RARB: variants seen among roughly 807,000 people sequenced by gnomAD.
The protein encoded by RARB is HBV-activated protein.
RARB carries 17 observed loss-of-function variants against 51.9 expected under a neutral mutation model. The observed-to-expected ratio is 0.33, with a 90% CI of 0.22 to 0.49. The LOEUF (loss-of-function observed/expected upper bound fraction) is 0.49. Ranked by LOEUF, RARB falls within the 20% of genes least tolerant of loss-of-function variation. The pLI is 0.99. For missense variants in RARB, 369 were observed against 550.8 expected (o/e 0.67, Z 3.30); for synonymous variants, 215 against 195.4 (o/e 1.10, Z -0.84).
At chr3:25,052,502 A>T (rs1698352199) in intron 2 of RARB, among the ~76,000 whole-genome samples, 1 of 152,212 alleles carries the variant, frequency 6.6e-6, no homozygotes, top group Non-Finnish European at 1.5e-5. Context: ...TCTTCATTTA[A>T]AATTTAAATG....
intron 5 of RARB, among the ~76,000 whole-genome samples, chr3:25,318,662 A>G (rs1394455954): frequency 1.3e-5 from 2 of 152,158 alleles, no homozygotes. Context: ...TTAAAGAAGG[A>G]AATCTTTAGG....
chr3:25,146,713 G>T (rs1338622190), intron 4 of RARB, among the ~76,000 whole-genome samples: 1 of 151,634 alleles, frequency 6.6e-6, no homozygotes, highest in African/African-American at 2.4e-5. Flanking sequence ...TAGAGACGGG[G>T]TTTCACCATG....
intron 5 of RARB, among the ~76,000 whole-genome samples, chr3:25,290,250 A>T (rs1703754158): frequency 6.6e-6 from 1 of 152,202 alleles, no homozygotes; most frequent in Non-Finnish European, 1.5e-5. Context: ...AATCTAGCTA[A>T]AATGAAATCA....
intron 5 of RARB, among the ~76,000 whole-genome samples, chr3:25,289,387 T>G (rs1703730399): frequency 6.6e-6 from 1 of 152,204 alleles, no homozygotes; most frequent in Non-Finnish European, 1.5e-5. Context: ...TTTTCCCTGT[T>G]ACCATCAGTC....
At chr3:25,262,537 T>G (rs1703026158) in intron 5 of RARB, among the ~76,000 whole-genome samples, 1 of 152,204 alleles carries the variant, frequency 6.6e-6, no homozygotes. Flanking sequence ...CTTAACCTTT[T>G]CCAGGCTCTA....
At chr3:25,023,720 A>G (rs575387773) in intron 2 of RARB, among the ~76,000 whole-genome samples, 3 of 152,322 alleles carry the variant, frequency 2.0e-5, no homozygotes, top group South Asian at 4.1e-4. Context: ...CTATGAAAGG[A>G]CAGAGTGGAA....
intron 3 of RARB, among the ~76,000 whole-genome samples, chr3:25,062,542 C>T (rs1326513192): frequency 6.6e-6 from 1 of 151,874 alleles, no homozygotes. Flanking sequence ...TGTATTATAA[C>T]TGAAAATCAA....
At chr3:25,005,802 T>C (rs116591047) in intron 2 of RARB, among the ~76,000 whole-genome samples, 1,545 of 152,256 alleles carry the variant, frequency 0.01, 28 homozygotes, top group African/African-American at 0.036. Context: ...AAAACTTTGA[T>C]ATGCAAGTCA....
chr3:25,162,428 A>T (rs1342589850), intron 4 of RARB, among the ~76,000 whole-genome samples: 1 of 152,186 alleles, frequency 6.6e-6, no homozygotes, highest in Non-Finnish European at 1.5e-5. Flanking sequence ...AATTATCAAG[A>T]TATAATTCAA....
rs762302156 is a variant in RARB, at chr3:25,567,980, G to A, written c.449-1778G>A. On this transcript the variant is annotated intron_variant, in intron 3 of 7. Coordinates refer to ENST00000330688, the MANE Select transcript of RARB (RefSeq NM_000965.5). ...CCTCATTGTGTCTCCTTTGCCCGCC[G>A]GCTTCTTTGCATTCTCTCTGCTTTG... Among the ~76,000 whole-genome samples the A allele has an allele frequency of 5.9e-5, 9 of 152,020 alleles. No homozygotes were observed. The South Asian group carries it at 6.2e-4, about 11-fold the overall frequency.
At chr3:25,562,974 G>T (rs188957580) in intron 3 of RARB, among the ~76,000 whole-genome samples, 201 of 152,304 alleles carry the variant, frequency 1.3e-3, no homozygotes, top group African/African-American at 4.7e-3. Flanking sequence ...ATATTTCAGA[G>T]ATTTTCTATA....
intron 3 of RARB, among the ~76,000 whole-genome samples, chr3:25,084,480 TTTAGA>T (rs1196949287): frequency 6.6e-6 from 1 of 152,168 alleles, no homozygotes; most frequent in African/African-American, 2.4e-5. Flanking sequence ...TAATCATCTG[TTTAGA>T]TTACACTGGA....
chr3:25,369,991 T>G (rs570777150), intron 5 of RARB, among the ~76,000 whole-genome samples: 1 of 152,148 alleles, frequency 6.6e-6, no homozygotes, highest in Non-Finnish European at 1.5e-5. Flanking sequence ...AGTGTTCATC[T>G]TCTAGTAGGA....
intron 2 of RARB, among the ~76,000 whole-genome samples, chr3:24,878,232 G>A (rs1027449573): frequency 6.9e-6 from 1 of 145,142 alleles, no homozygotes; most frequent in Non-Finnish European, 1.5e-5. Flanking sequence ...TTTGCTTGTA[G>A]TTTCCTTGTA....
At chr3:24,927,151 G>A (rs1695337573) in intron 2 of RARB, among the ~76,000 whole-genome samples, 2 of 151,922 alleles carry the variant, frequency 1.3e-5, no homozygotes, top group African/African-American at 2.4e-5. Flanking sequence ...TTTCCTTATA[G>A]TGTCAAATAT....
At chr3:24,917,994 G>A (rs1465906533) in intron 2 of RARB, among the ~76,000 whole-genome samples, 1 of 152,182 alleles carries the variant, frequency 6.6e-6, no homozygotes, top group African/African-American at 2.4e-5. Flanking sequence ...CAATTTGTCG[G>A]TTTTCTGAAA....
intron 2 of RARB, among the ~76,000 whole-genome samples, chr3:24,977,973 A>G (rs1033295379): frequency 6.6e-6 from 1 of 152,168 alleles, no homozygotes; most frequent in Non-Finnish European, 1.5e-5. Context: ...AGTGCTGTTG[A>G]ATTTTGTTAA....
intron 5 of RARB, among the ~76,000 whole-genome samples, chr3:25,377,379 A>C (rs1312936988): frequency 6.6e-6 from 1 of 152,212 alleles, no homozygotes; most frequent in Non-Finnish European, 1.5e-5. Flanking sequence ...GCAGATAGAC[A>C]CATGTGCAGG....
Position 25,068,113 on chromosome 3 carries a change from G to A in RARB, c.-328+7937G>A, listed in dbSNP as rs368605447. Among the ~76,000 whole-genome samples the A allele has an allele frequency of 1.1e-3, 129 of 112,202 alleles. 1 individual carries two copies. The highest frequency in any genetic ancestry group is 3.9e-3 in the African/African-American group (116 of 29,434). The allele number at this position is 112,202 out of a possible 152,430, so 73.6% of individuals were successfully genotyped here. On this transcript the variant is annotated intron_variant, in intron 3 of 11. Transcript: ENST00000383772. Reference sequence around the variant, plus strand: ...TGCACCATCGCACTTCAGCCTGGGCGACAGAGAGAGACTCCATCTCAAAAA... The same window carrying A: ...TGCACCATCGCACTTCAGCCTGGGCAACAGAGAGAGACTCCATCTCAAAAA...
Sources: gnomAD v4.1 joint callset for allele counts (sites outside exome capture counted in the v4.1 genomes callset) on GRCh38, gnomAD v4.1.1 for gene constraint, MANE v1.5 for transcripts, NCBI Gene and HGNC (gene_info 2026-07-23, HGNC 2026-07-21) for gene names.